ADAM12: variants seen among roughly 807,000 people sequenced by gnomAD.
ADAM12 encodes the protein ADAM metallopeptidase domain 12, also known as disintegrin and metalloproteinase domain-containing protein 12.
In ADAM12, 70 loss-of-function variants were observed where a neutral mutation model predicts 106.4. The ratio of observed to expected loss-of-function variants is 0.66; its 90% CI spans 0.54 to 0.80. ADAM12 has a LOEUF of 0.80. ADAM12 is among the 30% of genes least tolerant of loss of function. ADAM12 has a pLI of 0.00. For synonymous variants in ADAM12, 420 were observed against 433.5 expected (o/e 0.97, Z 0.39); for missense variants, 1,010 against 1,171.9 (o/e 0.86, Z 2.02).
chr10:126,095,219 T>C (rs778960552), intron 10 of ADAM12, among the ~76,000 whole-genome samples: 9 of 152,088 alleles, frequency 5.9e-5, no homozygotes, highest in Non-Finnish European at 1.2e-4. Flanking sequence ...TATGGCAGTA[T>C]TGGACGTGAG....
intron 1 of ADAM12, among the ~76,000 whole-genome samples, chr10:126,348,848 G>GA (rs1051997724): frequency 2.0e-5 from 3 of 151,982 alleles, no homozygotes; most frequent in African/African-American, 4.8e-5. Flanking sequence ...AATTCTTTAG[G>GA]ATAAATATGT....
intron 3 of ADAM12, among the ~76,000 whole-genome samples, chr10:126,244,281 G>A (rs961832069): frequency 4.6e-5 from 7 of 152,154 alleles, no homozygotes; most frequent in African/African-American, 9.7e-5. Flanking sequence ...TCAGACAATC[G>A]GGGAAAACCA....
intron 3 of ADAM12, among the ~76,000 whole-genome samples, chr10:126,176,291 A>G (rs891583857): frequency 6.6e-6 from 1 of 152,260 alleles, no homozygotes. Context: ...AAGAGCTCAC[A>G]GCTCACCAAG....
chr10:126,216,410 A>T (rs995106599), intron 3 of ADAM12, among the ~76,000 whole-genome samples: 8 of 152,236 alleles, frequency 5.3e-5, no homozygotes, highest in African/African-American at 1.7e-4. Flanking sequence ...CAGCCTGCTG[A>T]GGCTTGGCCA....
At chr10:126,222,567 C>A (rs1449343289) in intron 3 of ADAM12, among the ~76,000 whole-genome samples, 2 of 151,426 alleles carry the variant, frequency 1.3e-5, no homozygotes, top group Non-Finnish European at 2.9e-5. Flanking sequence ...CCGAGCACGC[C>A]AGCTGGTATA....
chr10:126,087,894 C>G (rs1397469648), intron 11 of ADAM12, among the ~76,000 whole-genome samples: 31 of 152,076 alleles, frequency 2.0e-4, no homozygotes, highest in Non-Finnish European at 1.5e-5. Flanking sequence ...AAGAGAAATC[C>G]AGTTTTCCCA....
At chr10:126,303,897 G>T (rs1333082667) in intron 2 of ADAM12, among the ~76,000 whole-genome samples, 2 of 152,114 alleles carry the variant, frequency 1.3e-5, no homozygotes, top group African/African-American at 2.4e-5. Context: ...TCCCACTGTG[G>T]TATACTATTA....
intron 1 of ADAM12, among the ~76,000 whole-genome samples, chr10:126,370,430 CTTAATTA>C (rs1258995100): frequency 6.6e-6 from 1 of 152,142 alleles, no homozygotes; most frequent in African/African-American, 2.4e-5. Context: ...AGATAGTATA[CTTAATTA>C]TTAAACAGTA....
chr10:126,271,148 C>T (rs993335100), intron 3 of ADAM12, among the ~76,000 whole-genome samples: 2 of 152,206 alleles, frequency 1.3e-5, no homozygotes, highest in African/African-American at 2.4e-5. Context: ...CCATGCCTAC[C>T]ATGACCCACA....
intron 11 of ADAM12, among the ~76,000 whole-genome samples, chr10:126,076,419 T>C (rs1361516618): frequency 1.3e-5 from 2 of 152,352 alleles, no homozygotes; most frequent in East Asian, 3.8e-4. Context: ...TTATTTTCTT[T>C]TGGATATATA....
At chr10:126,249,567 G>A (rs982424048) in intron 3 of ADAM12, among the ~76,000 whole-genome samples, 3 of 152,102 alleles carry the variant, frequency 2.0e-5, no homozygotes, top group Non-Finnish European at 4.4e-5. Flanking sequence ...GTGTGGTGGC[G>A]GGCGCCTGTG....
chr10:126,142,979 T>A (rs527733532), intron 4 of ADAM12, among the ~76,000 whole-genome samples: 2 of 152,048 alleles, frequency 1.3e-5, no homozygotes, highest in South Asian at 4.1e-4. Flanking sequence ...AGTGTGCATG[T>A]GTATATATGC....
At chr10:126,302,530 C>T (rs1220185057) in intron 2 of ADAM12, among the ~76,000 whole-genome samples, 2 of 152,112 alleles carry the variant, frequency 1.3e-5, no homozygotes, top group African/African-American at 2.4e-5. Context: ...TCACCCCTTT[C>T]GTGAGGACAC....
At chr10:126,220,514 A>G (rs1260253491) in intron 3 of ADAM12, among the ~76,000 whole-genome samples, 1 of 152,174 alleles carries the variant, frequency 6.6e-6, no homozygotes, top group Non-Finnish European at 1.5e-5. Flanking sequence ...CCCAAAATCA[A>G]TTCATTCTAA....
chr10:126,277,171 A>G (rs1343144864), intron 3 of ADAM12, among the ~76,000 whole-genome samples: 1 of 152,208 alleles, frequency 6.6e-6, no homozygotes, highest in Admixed American at 6.5e-5. Context: ...GTTTGGTGGT[A>G]AAAGTACTTT....
At position 126,015,126 on chromosome 10, in the gene ADAM12, G is replaced by A. The variant is rs1325044848; in HGVS notation, c.*2153C>T. On this transcript the variant is annotated 3_prime_UTR_variant, in exon 23 of 23. Coordinates refer to ENST00000448723, the MANE Select transcript of ADAM12 (RefSeq NM_001288973.2). Reference sequence around the variant, plus strand: ...ACATTAGTACTGTAGAGATAAGAATGTGTCATCAGCCATGGCCCCTAAGTG... The same window carrying A: ...ACATTAGTACTGTAGAGATAAGAATATGTCATCAGCCATGGCCCCTAAGTG... 1 of 152,210 alleles carries A rather than the reference G, an allele frequency of 6.6e-6. No homozygotes were observed. The highest frequency in any genetic ancestry group is 1.5e-5 in the Non-Finnish European group (1 of 68,040). 9.4% of individuals were successfully genotyped at this position (152,210 alleles called of 1,614,324 possible).
chr10:126,326,970 A>AC (rs1854325755), intron 2 of ADAM12, among the ~76,000 whole-genome samples: 1 of 151,936 alleles, frequency 6.6e-6, no homozygotes, highest in African/African-American at 2.4e-5. Context: ...GAGTCACTGA[A>AC]CCCCCAGGAA....
intron 3 of ADAM12, among the ~76,000 whole-genome samples, chr10:126,232,887 G>T (rs1958340300): frequency 6.6e-6 from 1 of 152,160 alleles, no homozygotes; most frequent in African/African-American, 2.4e-5. Context: ...CACAGGATGG[G>T]GACAAAGAGG....
chr10:126,385,489 T>G (rs1210436441), intron 1 of ADAM12, among the ~76,000 whole-genome samples: 1 of 152,178 alleles, frequency 6.6e-6, no homozygotes, highest in Admixed American at 6.5e-5. Flanking sequence ...TTTCTTATTA[T>G]ATCACAATAT....
Sources: allele counts gnomAD v4.1 joint callset (sites outside exome capture counted in the v4.1 genomes callset), GRCh38; gene constraint gnomAD v4.1.1; transcripts MANE v1.5; gene names NCBI Gene and HGNC (gene_info 2026-07-23, HGNC 2026-07-21).